The following SLC12A8 variants were observed in gnomAD, a reference collection of about 807,000 sequenced individuals.
SLC12A8 encodes the protein cation-chloride cotransporter 9.
In SLC12A8, 69 loss-of-function variants were observed where a neutral mutation model predicts 75.6. That is an observed-to-expected ratio of 0.91 (90% CI 0.75 to 1.11). SLC12A8 has a LOEUF of 1.11. Ranked by LOEUF, SLC12A8 falls within the 50% of genes most tolerant of loss-of-function variation. The pLI is 0.00. For missense variants in SLC12A8, 877 were observed against 896.7 expected, an observed-to-expected ratio of 0.98 and a Z score of 0.28; for synonymous variants, 365 against 372.8, an observed-to-expected ratio of 0.98 and a Z score of 0.24.
chr3:125,124,136 A>G (rs1278395337), intron 6 of SLC12A8, among the ~76,000 whole-genome samples: 1 of 152,164 alleles, frequency 6.6e-6, no homozygotes, highest in Non-Finnish European at 1.5e-5. Flanking sequence ...AGGCCCAGAT[A>G]TGGCCAGAAA....
intron 10 of SLC12A8, among the ~76,000 whole-genome samples, chr3:125,101,563 C>T (rs1052795541): frequency 2.0e-5 from 3 of 152,164 alleles, no homozygotes; most frequent in African/African-American, 4.8e-5. Flanking sequence ...TTCTGTGACA[C>T]TGTGTTGTAC....
At chr3:125,178,076 C>A in intron 4 of SLC12A8, 102 bp from the exon 5 acceptor site, 2 of 936,516 alleles carry the variant, frequency 2.1e-6, no homozygotes, top group South Asian at 3.0e-5. Flanking sequence ...ATCGGACACA[C>A]TCACTGGCAC....
chr3:125,084,346 T>C (rs1435230700), intron 13 of SLC12A8, among the ~76,000 whole-genome samples: 1 of 151,812 alleles, frequency 6.6e-6, no homozygotes. Context: ...GGTTTTGCCC[T>C]CCAAATGGTA....
chr3:125,163,991 T>C (rs1934234394), intron 5 of SLC12A8, among the ~76,000 whole-genome samples: 1 of 152,240 alleles, frequency 6.6e-6, no homozygotes, highest in Admixed American at 6.5e-5. Context: ...TGGCCTCTGT[T>C]CCTGGTGGCA....
intron 5 of SLC12A8, among the ~76,000 whole-genome samples, chr3:125,173,916 C>A (rs1216483988): frequency 6.6e-6 from 1 of 152,094 alleles, no homozygotes; most frequent in Non-Finnish European, 1.5e-5. Flanking sequence ...CATGGTGAAA[C>A]CCCATCTCTG....
At chr3:125,193,858 A>G (rs1934955000) in intron 2 of SLC12A8, among the ~76,000 whole-genome samples, 1 of 152,164 alleles carries the variant, frequency 6.6e-6, no homozygotes. Context: ...GCTGAAGCTT[A>G]GGCCAGTTCC....
intron 4 of SLC12A8, among the ~76,000 whole-genome samples, chr3:125,178,909 G>A (rs1037468800): frequency 2.0e-5 from 3 of 152,120 alleles, no homozygotes; most frequent in African/African-American, 7.2e-5. Context: ...AAAATGAAAT[G>A]AAATCCTTGG....
chr3:125,163,703 G>A (rs553443713), intron 5 of SLC12A8, among the ~76,000 whole-genome samples: 1 of 152,182 alleles, frequency 6.6e-6, no homozygotes, highest in Non-Finnish European at 1.5e-5. Context: ...CTCTTTAGGG[G>A]CCCTGTGATC....
chr3:125,085,526 A>T (rs1938434588), intron 13 of SLC12A8, among the ~76,000 whole-genome samples: 2 of 152,112 alleles, frequency 1.3e-5, no homozygotes, highest in African/African-American at 4.8e-5. Flanking sequence ...TGGGAGGGGA[A>T]CTCAAAACTA....
intron 2 of SLC12A8, among the ~76,000 whole-genome samples, chr3:125,191,854 C>T (rs904104382): frequency 1.4e-4 from 22 of 152,202 alleles, no homozygotes; most frequent in African/African-American, 4.8e-4. Context: ...CTTGTGTCTC[C>T]GTCAGTCTCC....
intron 9 of SLC12A8, 48 bp downstream of exon 9, chr3:125,110,141 C>A: frequency 6.3e-7 from 1 of 1,584,062 alleles, no homozygotes; most frequent in South Asian, 1.1e-5. Flanking sequence ...GTGAGGTTAG[C>A]AGCAAAACAT....
At position 125,083,814 on chromosome 3, in the gene SLC12A8, CAGCTCCACGAAGGTCCTGAGCTT is replaced by C. The variant is rs1210155984; in HGVS notation, c.*53_*75del. ...TCTTGAGTTTCTCAGGTTGGAGAAG[CAGCTCCACGAAGGTCCTGAGCTT>C]GGGTCCACTGTACATGGGACAGCTC... On this transcript the variant is annotated 3_prime_UTR_variant, in exon 14 of 14. Coordinates refer to ENST00000469902, the MANE Select transcript of SLC12A8 (RefSeq NM_024628.6). 15 of 1,414,842 alleles carry C rather than the reference CAGCTCCACGAAGGTCCTGAGCTT, an allele frequency of 1.1e-5. No homozygotes were observed. The highest frequency in any genetic ancestry group is 1.4e-5 in the Non-Finnish European group (15 of 1,037,822). 87.6% of individuals were successfully genotyped at this position (1,414,842 alleles called of 1,614,324 possible).
chr3:125,211,397 G>T lies in SLC12A8; in HGVS notation c.-45-3C>A, dbSNP rs770520894. ...GTGATCTGGACAGGGAGACTGCTCT[G>T]GAAGGTAACAGCATCCTTGGTCAGG... is the stretch of plus-strand genomic sequence containing the variant. On this transcript the variant is annotated splice_region_variant and splice_polypyrimidine_tract_variant and intron_variant, in intron 1 of 13. Transcript: ENST00000469902. 2 of 1,510,328 alleles carry T rather than the reference G, an allele frequency of 1.3e-6. No individual in the cohort carries two copies. The highest frequency in any genetic ancestry group is 9.2e-7 in the Non-Finnish European group (1 of 1,085,880). 93.6% of individuals were successfully genotyped at this position (1,510,328 alleles called of 1,614,324 possible). A position where few individuals can be genotyped will look rare whatever the true frequency, so the allele number is the denominator to read the frequency against.
intron 5 of SLC12A8, among the ~76,000 whole-genome samples, chr3:125,136,971 C>T (rs1380512776): frequency 2.0e-5 from 3 of 152,178 alleles, no homozygotes; most frequent in Non-Finnish European, 2.9e-5. Flanking sequence ...TATTAACTGT[C>T]GTCCAAGAGA....
intron 13 of SLC12A8, among the ~76,000 whole-genome samples, chr3:125,086,043 T>C (rs1418151553): frequency 2.0e-5 from 3 of 152,088 alleles, no homozygotes; most frequent in Non-Finnish European, 4.4e-5. Context: ...TACCTGGGAC[T>C]ATAGGCACCT....
At chr3:125,120,438 C>A (rs1933025635) in intron 7 of SLC12A8, among the ~76,000 whole-genome samples, 161 bp downstream of exon 7, 1 of 151,998 alleles carries the variant, frequency 6.6e-6, no homozygotes, top group African/African-American at 2.4e-5. Context: ...ACCCACCAGA[C>A]GTGAATTTTC....
chr3:125,122,963 A>T (rs1416005951), intron 6 of SLC12A8, among the ~76,000 whole-genome samples: 3 of 152,248 alleles, frequency 2.0e-5, no homozygotes, highest in Non-Finnish European at 4.4e-5. Flanking sequence ...ATCCAAGAAC[A>T]ACAAAGAACT....
chr3:125,102,397 C>T (rs1021423284), intron 10 of SLC12A8, among the ~76,000 whole-genome samples: 2 of 152,112 alleles, frequency 1.3e-5, no homozygotes, highest in Non-Finnish European at 2.9e-5. Context: ...GGCTGCATTG[C>T]GAAGAACCTT....
intron 10 of SLC12A8, among the ~76,000 whole-genome samples, chr3:125,102,382 G>A (rs929411526): frequency 6.6e-6 from 1 of 152,182 alleles, no homozygotes; most frequent in African/African-American, 2.4e-5. Flanking sequence ...AGGAACGTAG[G>A]TTAGGGCTGC....
Sources: gnomAD v4.1 joint callset for allele counts (sites outside exome capture counted in the v4.1 genomes callset) on GRCh38, gnomAD v4.1.1 for gene constraint, MANE v1.5 for transcripts, NCBI Gene and HGNC (gene_info 2026-07-23, HGNC 2026-07-21) for gene names.